The following GLG1 variants were observed in gnomAD, a reference collection of about 807,000 sequenced individuals.
GLG1 encodes golgi glycoprotein 1.
Under a neutral mutation model 160.5 loss-of-function variants are expected in GLG1, and 38 were observed. The observed-to-expected ratio is 0.24, with a 90% CI of 0.18 to 0.31. GLG1 has a LOEUF of 0.31. Among genes scored for constraint, GLG1 ranks in the 10% least tolerant of loss-of-function variants. The pLI is 1.00. For missense variants in GLG1, 1,373 were observed against 1,505.2 expected (o/e 0.91, Z 1.45); for synonymous variants, 644 against 543.4 (o/e 1.19, Z -2.57).
intron 2 of GLG1, among the ~76,000 whole-genome samples, chr16:74,513,925 C>T (rs1455959491): frequency 6.6e-6 from 1 of 152,034 alleles, no homozygotes; most frequent in African/African-American, 2.4e-5. Context: ...ACTAGAATAA[C>T]CAGTGTAGAG....
chr16:74,501,987 G>C (rs1352242793), intron 4 of GLG1, among the ~76,000 whole-genome samples: 2 of 152,228 alleles, frequency 1.3e-5, no homozygotes, highest in African/African-American at 2.4e-5. Flanking sequence ...AAGGGCATCA[G>C]GGCTTTGGTG....
chr16:74,497,597 C>A (rs757664032), intron 4 of GLG1, among the ~76,000 whole-genome samples: 1 of 151,864 alleles, frequency 6.6e-6, no homozygotes. Flanking sequence ...GCCACCACGC[C>A]CGGCTAATTT....
At chr16:74,467,284 A>G (rs926582888) in intron 18 of GLG1, among the ~76,000 whole-genome samples, 1 of 152,184 alleles carries the variant, frequency 6.6e-6, no homozygotes, top group Non-Finnish European at 1.5e-5. Flanking sequence ...TTTAAAAATC[A>G]TTTGTTTGTA....
intron 1 of GLG1, among the ~76,000 whole-genome samples, chr16:74,537,014 G>A (rs1293205686): frequency 1.3e-5 from 2 of 152,054 alleles, no homozygotes; most frequent in Non-Finnish European, 2.9e-5. Flanking sequence ...TTTACTCATT[G>A]GAAATAAAAC....
At chr16:74,557,486 A>G (rs946668696) in intron 1 of GLG1, among the ~76,000 whole-genome samples, 1 of 152,162 alleles carries the variant, frequency 6.6e-6, no homozygotes, top group Non-Finnish European at 1.5e-5. Flanking sequence ...CAAGAGTGTG[A>G]GCAGGTGGAA....
At chr16:74,605,353 GT>G (rs1173457448) in intron 1 of GLG1, among the ~76,000 whole-genome samples, 1 of 152,136 alleles carries the variant, frequency 6.6e-6, no homozygotes, top group African/African-American at 2.4e-5. Context: ...ATAATGTGCT[GT>G]TTCTACCACA....
chr16:74,494,948 C>A, intron 5 of GLG1, 117 bp from the exon 6 acceptor site: 2 of 506,772 alleles, frequency 3.9e-6, no homozygotes, highest in East Asian at 3.1e-5. Flanking sequence ...TACCTTTGGA[C>A]AAACAGCGCT....
Position 74,493,074 on chromosome 16 carries a change from C to A in GLG1, c.1117G>T (p.Ala373Ser). 6.2e-7 allele frequency: 1 copy of A among 1,613,562 alleles called. No individual in the cohort carries two copies. Among genetic ancestry groups the A allele is most frequent in the Non-Finnish European group, 8.5e-7 (1 of 1,179,564 alleles). Reference sequence around the variant, plus strand: ...TTCAAGTCACTTTTACAGGATTTGGCCAATGAATAACTGACTTTATAATCC... The same window carrying A: ...TTCAAGTCACTTTTACAGGATTTGGACAATGAATAACTGACTTTATAATCC... The part of the protein sequence containing the change: ...AQDYKVSYSL[A>S]KSCKSDLKKY... Residue 373 changes from alanine (A) to serine (S), a missense_variant, in exon 7 of 26, where the codon GCC becomes TCC. This residue lies in a region of GLG1 where 174 missense variants were observed against 229.9 expected (regional missense o/e 0.76). Coordinates refer to ENST00000422840, the MANE Select transcript of GLG1 (RefSeq NM_001145667.2).
Position 74,496,507 on chromosome 16 carries a change from A to T in GLG1, c.912T>A (p.Asp304Glu). 5 of 1,614,112 alleles carry T rather than the reference A, an allele frequency of 3.1e-6. No homozygotes were observed. The highest frequency in any genetic ancestry group is 4.2e-6 in the Non-Finnish European group (5 of 1,179,964). ...ATAAATGCCGGTCTAAGTGAAAGTC[A>T]TCCGATGACAGCTCAGCCACCCGGA... ...AILRVAELSSDDFHLDRHLYF... is the reference protein window; with the variant it reads ...AILRVAELSSEDFHLDRHLYF... The change falls in exon 5 of 26, where the codon GAT becomes GAA. Residue 304 changes from aspartate (D) to glutamate (E), a missense_variant. Coordinates refer to ENST00000422840, the MANE Select transcript of GLG1 (RefSeq NM_001145667.2).
chr16:74,606,593 A>G (rs1274350325), intron 1 of GLG1, 64 bp downstream of exon 1: 55 of 1,400,952 alleles, frequency 3.9e-5, no homozygotes, highest in Non-Finnish European at 4.5e-5. Context: ...GCGGCTTCCA[A>G]GGCCGGCAAC....
At chr16:74,499,552 T>G (rs1344147093) in intron 4 of GLG1, among the ~76,000 whole-genome samples, 1 of 152,232 alleles carries the variant, frequency 6.6e-6, no homozygotes, top group African/African-American at 2.4e-5. Flanking sequence ...TAGGCTATAC[T>G]ACATAGCCTA....
chr16:74,519,145 C>T (rs1237294689), intron 2 of GLG1, among the ~76,000 whole-genome samples: 1 of 152,098 alleles, frequency 6.6e-6, no homozygotes, highest in Non-Finnish European at 1.5e-5. Context: ...CTGTGGAATA[C>T]TATGCAGCCA....
At chr16:74,470,100 G>C (rs756979843) in intron 15 of GLG1, 27 bp from the exon 16 acceptor site, 1 of 1,448,100 alleles carries the variant, frequency 6.9e-7, no homozygotes, top group East Asian at 2.3e-5. Context: ...AAGAAAGTCA[G>C]AAGTTTTGTG....
intron 8 of GLG1, among the ~76,000 whole-genome samples, chr16:74,486,923 T>TCCC (rs1470752326): frequency 5.3e-5 from 7 of 133,052 alleles, no homozygotes; most frequent in Non-Finnish European, 1.0e-4. Context: ...TCTTTTTTTT[T>TCCC]TCCCCCCCGA....
At chr16:74,604,504 A>C (rs1164220842) in intron 1 of GLG1, among the ~76,000 whole-genome samples, 2 of 152,260 alleles carry the variant, frequency 1.3e-5, no homozygotes, top group Admixed American at 1.3e-4. Flanking sequence ...CCTTTTCATA[A>C]TTCCAATAAT....
chr16:74,475,618 T>C (rs944082200), intron 12 of GLG1, among the ~76,000 whole-genome samples: 2 of 152,224 alleles, frequency 1.3e-5, no homozygotes, highest in Non-Finnish European at 2.9e-5. Flanking sequence ...TCTAGAGGTT[T>C]ACAGGTTTAG....
intron 1 of GLG1, among the ~76,000 whole-genome samples, chr16:74,599,511 G>A (rs1958387844): frequency 6.6e-6 from 1 of 152,292 alleles, no homozygotes; most frequent in South Asian, 2.1e-4. Flanking sequence ...CTGAGGTCAG[G>A]AGTTCAAGAC....
Position 74,606,861 on chromosome 16 carries a change from CTGCTGCTGT to C in GLG1, c.225_233del (p.Gln82_Gln84del). ...GCTGAGGCTGCTGTTGCTGTTGCTG[CTGCTGCTGT>C]TGCTGCTGAAGCTGCGATGACTGAG... On this transcript the variant is annotated inframe_deletion, in exon 1 of 26. Coordinates refer to ENST00000422840, the MANE Select transcript of GLG1 (RefSeq NM_001145667.2). 1 of 1,598,912 alleles carries C rather than the reference CTGCTGCTGT, an allele frequency of 6.3e-7. No individual in the cohort carries two copies. The highest frequency in any genetic ancestry group is 1.1e-5 in the South Asian group (1 of 89,866).
chr16:74,496,534 A>T lies in GLG1; in HGVS notation c.885T>A (p.Ile295=), dbSNP rs1240762057. Reference sequence around the variant, plus strand: ...CCGATGACAGCTCAGCCACCCGGAGAATGGCTTTCTTGCAGAGTTCAGAAA... The same window carrying T: ...CCGATGACAGCTCAGCCACCCGGAGTATGGCTTTCTTGCAGAGTTCAGAAA... The part of the protein sequence containing the change: ...IQVSELCKKA[I]LRVAELSSDD... The change falls in exon 5 of 26, where the codon ATT becomes ATA. Residue 295 remains isoleucine (I), a synonymous_variant. Transcript: ENST00000422840. The T allele has an allele frequency of 1.9e-6, 3 of 1,613,340 alleles. No individual in the cohort carries two copies. The highest frequency in any genetic ancestry group is 2.5e-6 in the Non-Finnish European group (3 of 1,179,292).
Sources: allele counts gnomAD v4.1 joint callset (sites outside exome capture counted in the v4.1 genomes callset), GRCh38; gene constraint gnomAD v4.1.1; regional missense constraint gnomAD v4.1.1; transcripts MANE v1.5; gene names NCBI Gene and HGNC (gene_info 2026-07-23, HGNC 2026-07-21).